CTNNA3: variants seen among roughly 807,000 people sequenced by gnomAD.
CTNNA3 encodes the protein catenin alpha 3.
In CTNNA3, 76 loss-of-function variants were observed where a neutral mutation model predicts 95.7. The observed-to-expected ratio is 0.79, with a 90% CI of 0.66 to 0.96. The LOEUF is 0.96. Among genes scored for constraint, CTNNA3 ranks in the 40% least tolerant of loss-of-function variants. The pLI is 0.00. For missense variants in CTNNA3, 1,191 were observed against 1,089.8 expected (o/e 1.09, Z -1.31); for synonymous variants, 431 against 374.4 (o/e 1.15, Z -1.74).
chr10:66,676,698 C>A (rs1485955326), intron 9 of CTNNA3, among the ~76,000 whole-genome samples: 2 of 151,976 alleles, frequency 1.3e-5, no homozygotes, highest in Non-Finnish European at 2.9e-5. Flanking sequence ...TGTACTACCA[C>A]CAGGATCTAT....
rs3884199 is a variant in CTNNA3 at position 66,035,537 on chromosome 10, A to ATTTTTT, written c.2159+33765_2159+33770dup. Among the ~76,000 whole-genome samples the ATTTTTT allele has an allele frequency of 8.9e-3, 1,309 of 147,224 alleles. 16 individuals are homozygous for ATTTTTT. The highest frequency in any genetic ancestry group is 0.03 in the African/African-American group (1,206 of 40,300). On this transcript the variant is annotated intron_variant, in intron 15 of 17. Coordinates refer to ENST00000433211, the MANE Select transcript of CTNNA3 (RefSeq NM_013266.4). ...TAGTAGGAATAGAGGGAATGAGGGT[A>ATTTTTT]TTTTTTTTTTTTGCCGCTGGCTTTA...
chr10:67,095,830 C>T (rs990463790), intron 7 of CTNNA3, among the ~76,000 whole-genome samples: 1 of 151,816 alleles, frequency 6.6e-6, no homozygotes, highest in Non-Finnish European at 1.5e-5. Context: ...TTGTTCTCTT[C>T]TATAACTCAA....
At chr10:67,301,967 AG>A (rs1564547984) in intron 5 of CTNNA3, among the ~76,000 whole-genome samples, 6,957 of 107,200 alleles carry the variant, frequency 0.065, 1,478 homozygotes, top group African/African-American at 0.22. Flanking sequence ...AGACTCGTCA[AG>A]AAAGAAAAAA....
intron 9 of CTNNA3, among the ~76,000 whole-genome samples, chr10:66,702,813 C>A (rs1198934337): frequency 1.3e-5 from 2 of 150,390 alleles, no homozygotes; most frequent in Admixed American, 1.3e-4. Flanking sequence ...TATAAACTGA[C>A]ATGATTTCTT....
chr10:67,233,787 A>G (rs552158875), intron 5 of CTNNA3, among the ~76,000 whole-genome samples: 1 of 152,086 alleles, frequency 6.6e-6, no homozygotes, highest in South Asian at 2.1e-4. Context: ...AGAAAAAAAG[A>G]GAGAAGAATC....
At chr10:66,582,740 C>A (rs972242379) in intron 10 of CTNNA3, among the ~76,000 whole-genome samples, 1 of 151,676 alleles carries the variant, frequency 6.6e-6, no homozygotes, top group African/African-American at 2.4e-5. Flanking sequence ...ATACTTTGAA[C>A]TTTTTCTCAT....
At chr10:67,284,916 A>G (rs889229204) in intron 5 of CTNNA3, among the ~76,000 whole-genome samples, 2 of 152,188 alleles carry the variant, frequency 1.3e-5, no homozygotes, top group Admixed American at 6.5e-5. Flanking sequence ...CTGGAGAGAC[A>G]TAAGACTTCA....
intron 15 of CTNNA3, among the ~76,000 whole-genome samples, chr10:66,048,646 AGCTACTCG>A (rs2079882341): frequency 6.6e-6 from 1 of 152,124 alleles, no homozygotes; most frequent in Non-Finnish European, 1.5e-5. Flanking sequence ...CTGTAGTCCC[AGCTACTCG>A]GGAGGCTGAA....
At chr10:66,654,354 G>C (rs937337610) in intron 9 of CTNNA3, among the ~76,000 whole-genome samples, 2 of 152,006 alleles carry the variant, frequency 1.3e-5, no homozygotes, top group Non-Finnish European at 2.9e-5. Context: ...ATGAAAAACT[G>C]TTCAACTTCA....
chr10:66,062,026 C>T (rs951181373), intron 15 of CTNNA3, among the ~76,000 whole-genome samples: 8 of 152,062 alleles, frequency 5.3e-5, no homozygotes, highest in Non-Finnish European at 1.0e-4. Flanking sequence ...TGAAGTCGGA[C>T]CAACCTCCAT....
intron 7 of CTNNA3, among the ~76,000 whole-genome samples, chr10:66,898,393 G>C (rs1346034168): frequency 2.6e-5 from 4 of 152,076 alleles, no homozygotes; most frequent in South Asian, 2.1e-4. Flanking sequence ...AATTTTGAGA[G>C]AGAAGAACAA....
At chr10:67,333,678 G>A (rs1260008371) in intron 5 of CTNNA3, among the ~76,000 whole-genome samples, 1 of 152,124 alleles carries the variant, frequency 6.6e-6, no homozygotes, top group Non-Finnish European at 1.5e-5. Flanking sequence ...GTACATGATG[G>A]AGTAAAAAGA....
At chr10:67,279,833 C>T (rs1237885595) in intron 5 of CTNNA3, among the ~76,000 whole-genome samples, 1 of 150,052 alleles carries the variant, frequency 6.7e-6, no homozygotes, top group East Asian at 1.9e-4. Flanking sequence ...GCTCTTTCAA[C>T]TACTCCAAAC....
intron 6 of CTNNA3, among the ~76,000 whole-genome samples, chr10:67,190,646 G>T (rs1863078631): frequency 6.6e-6 from 1 of 151,774 alleles, no homozygotes. Flanking sequence ...TAGACAAAAT[G>T]CTTTCTTTGT....
chr10:67,745,303 T>A (rs900385711), intron 1 of CTNNA3, among the ~76,000 whole-genome samples: 10 of 152,066 alleles, frequency 6.6e-5, no homozygotes, highest in African/African-American at 7.2e-5. Flanking sequence ...ATTTGGCACA[T>A]ATACACCATG....
chr10:66,871,328 G>C (rs1844393483), intron 7 of CTNNA3, among the ~76,000 whole-genome samples: 2 of 152,012 alleles, frequency 1.3e-5, no homozygotes, highest in Admixed American at 6.6e-5. Flanking sequence ...GGAGGCTAAG[G>C]CTGGAGGATC....
chr10:66,429,190 C>A lies in CTNNA3; in HGVS notation c.1532-49838G>T, dbSNP rs528103606. On this transcript the variant is annotated intron_variant, in intron 11 of 17. Transcript: ENST00000433211. ...AAAATCCTCTACACATACACCCTCC[C>A]AAGACTAAACCAGGAAGAAGTTGAA... Among the ~76,000 whole-genome samples the A allele has an allele frequency of 4.1e-4, 62 of 152,238 alleles. No homozygotes were observed. The East Asian group carries it at 7.3e-3, about 18-fold the overall frequency.
intron 10 of CTNNA3, among the ~76,000 whole-genome samples, chr10:66,566,291 G>A (rs1414360107): frequency 6.6e-6 from 1 of 152,254 alleles, no homozygotes; most frequent in South Asian, 2.1e-4. Context: ...CCAGGATTTG[G>A]TGACTGATGG....
At chr10:66,438,373 C>A (rs999782797) in intron 11 of CTNNA3, among the ~76,000 whole-genome samples, 2 of 152,182 alleles carry the variant, frequency 1.3e-5, no homozygotes, top group African/African-American at 4.8e-5. Flanking sequence ...GTGGCTTCTG[C>A]CTTTCTTTCA....
Sources: gnomAD v4.1 joint callset for allele counts (sites outside exome capture counted in the v4.1 genomes callset) on GRCh38, gnomAD v4.1.1 for gene constraint, MANE v1.5 for transcripts, NCBI Gene and HGNC (gene_info 2026-07-23, HGNC 2026-07-21) for gene names.